The following ARID5B variants were observed in gnomAD, a reference collection of about 807,000 sequenced individuals.
ARID5B encodes AT-rich interaction domain 5B.
ARID5B carries 13 observed loss-of-function variants against 97.2 expected under a neutral mutation model. The ratio of observed to expected loss-of-function variants is 0.13; its 90% CI spans 0.09 to 0.21. ARID5B has a LOEUF of 0.21. Among genes scored for constraint, ARID5B ranks in the 10% least tolerant of loss-of-function variants. The pLI, the probability that ARID5B is intolerant of heterozygous loss-of-function variation, is 1.00. For missense variants in ARID5B, 1,210 were observed against 1,465.3 expected (o/e 0.83, Z 2.84); for synonymous variants, 556 against 570.3 (o/e 0.97, Z 0.36).
rs1028385913 is a variant in ARID5B at position 62,093,815 on chromosome 10, T to C, written c.*785T>C. The C allele has an allele frequency of 8.6e-6, 2 of 233,518 alleles. No homozygotes were observed. The highest frequency in any genetic ancestry group is 4.4e-5 in the African/African-American group (2 of 45,330). 14.5% of individuals were successfully genotyped at this position (233,518 alleles called of 1,614,324 possible). ...GCAGCTTTGGGTGGTAAAGTTATTG[T>C]TTACAAATTGAAGCAACTGATTCTA... is the stretch of plus-strand genomic sequence containing the variant. On this transcript the variant is annotated 3_prime_UTR_variant, in exon 10 of 10. Coordinates refer to ENST00000279873, the MANE Select transcript of ARID5B (RefSeq NM_032199.3).
At chr10:62,062,734 A>G (rs1366389626) in intron 7 of ARID5B, among the ~76,000 whole-genome samples, 1 of 150,632 alleles carries the variant, frequency 6.6e-6, no homozygotes, top group East Asian at 1.9e-4. Flanking sequence ...GGAAGTGTAG[A>G]ACTGTAGTAC....
intron 8 of ARID5B, 82 bp downstream of exon 8, chr10:62,069,879 G>C: frequency 7.2e-7 from 1 of 1,391,862 alleles, no homozygotes; most frequent in East Asian, 2.3e-5. Flanking sequence ...GACAGAGGAA[G>C]TCTAAATGAC....
At chr10:62,081,287 T>C (rs1840210553) in intron 8 of ARID5B, among the ~76,000 whole-genome samples, 1 of 152,264 alleles carries the variant, frequency 6.6e-6, no homozygotes, top group African/African-American at 2.4e-5. Context: ...AGTTCACCAC[T>C]TCTTGCCCCC....
chr10:62,054,031 G>T (rs77509998), intron 5 of ARID5B, among the ~76,000 whole-genome samples: 22,332 of 152,210 alleles, frequency 0.15, 2,063 homozygotes, highest in Middle Eastern at 0.23. Flanking sequence ...ACTCAATCCC[G>T]TGGAAGGATG....
intron 9 of ARID5B, among the ~76,000 whole-genome samples, chr10:62,087,762 A>AT (rs1427970562): frequency 6.6e-6 from 1 of 152,122 alleles, no homozygotes; most frequent in Non-Finnish European, 1.5e-5. Flanking sequence ...AGAAAATAGT[A>AT]TTGATACCAA....
At chr10:62,004,279 G>A (rs529288346) in intron 4 of ARID5B, among the ~76,000 whole-genome samples, 2 of 152,284 alleles carry the variant, frequency 1.3e-5, no homozygotes, top group South Asian at 2.1e-4. Flanking sequence ...TTAATGGTAG[G>A]TGATTGAAAA....
intron 3 of ARID5B, among the ~76,000 whole-genome samples, chr10:61,958,584 A>T (rs1271158861): frequency 6.6e-6 from 1 of 151,900 alleles, no homozygotes; most frequent in Non-Finnish European, 1.5e-5. Context: ...GAATGAGGAG[A>T]CTCCCATCCC....
chr10:61,907,033 T>G lies in ARID5B; in HGVS notation c.276+4620T>G, dbSNP rs1430687980. Among the ~76,000 whole-genome samples, 3 of 152,248 alleles carry G rather than the reference T, an allele frequency of 2.0e-5. No individual in the cohort carries two copies. The East Asian group carries it at 5.8e-4, about 29-fold the overall frequency. ...TAATCTCACTGAGGTTTGAAACCAC[T>G]ACCATGGAGCTTACTGAAAAGTTTT... On this transcript the variant is annotated intron_variant, in intron 2 of 9. Coordinates refer to ENST00000279873, the MANE Select transcript of ARID5B (RefSeq NM_032199.3).
At chr10:62,051,194 G>T in intron 5 of ARID5B, 194 bp downstream of exon 5, 1 of 656,410 alleles carries the variant, frequency 1.5e-6, no homozygotes, top group Non-Finnish European at 2.7e-6. Flanking sequence ...GGCTGGGGGA[G>T]GTAGGCATTT....
At chr10:62,089,757 A>G (rs538143821) in intron 9 of ARID5B, among the ~76,000 whole-genome samples, 2 of 151,702 alleles carry the variant, frequency 1.3e-5, no homozygotes, top group South Asian at 2.1e-4. Context: ...TGAACTCCTG[A>G]CCTCAGGTGA....
At chr10:61,954,782 G>A (rs1301464166) in intron 3 of ARID5B, among the ~76,000 whole-genome samples, 1 of 152,108 alleles carries the variant, frequency 6.6e-6, no homozygotes, top group African/African-American at 2.4e-5. Flanking sequence ...CAAGGCAGGT[G>A]GATCACCTGA....
chr10:62,000,875 G>GATA lies in ARID5B; in HGVS notation c.733+555_733+557dup, dbSNP rs1839070704. On this transcript the variant is annotated intron_variant, in intron 4 of 9. Transcript: ENST00000279873. The surrounding 1 kb of genome is among the most constrained non-coding windows in gnomAD (Gnocchi z 4.4). ...TAGATAGATAGATAGATAGATAGAT[G>GATA]ATAGGTGATAGATATCCATGTCCTG... Among the ~76,000 whole-genome samples, 1 of 127,404 alleles carries GATA rather than the reference G, an allele frequency of 7.8e-6. No homozygotes were observed. The highest frequency in any genetic ancestry group is 1.7e-5 in the Non-Finnish European group (1 of 58,944). 83.6% of individuals were successfully genotyped at this position (127,404 alleles called of 152,430 possible). A position where few individuals can be genotyped will look rare whatever the true frequency, so the allele number is the denominator to read the frequency against.
At chr10:62,001,157 G>C (rs1839075087) in intron 4 of ARID5B, among the ~76,000 whole-genome samples, 1 of 152,156 alleles carries the variant, frequency 6.6e-6, no homozygotes, top group Admixed American at 6.5e-5. Flanking sequence ...TGAGGAGACT[G>C]GATCATATCA....
intron 2 of ARID5B, among the ~76,000 whole-genome samples, chr10:61,919,414 C>T (rs1195909912): frequency 6.6e-6 from 1 of 152,168 alleles, no homozygotes; most frequent in Non-Finnish European, 1.5e-5. Context: ...GTATTCCAAT[C>T]CAACTCTGAA....
intron 4 of ARID5B, among the ~76,000 whole-genome samples, chr10:62,017,646 T>G (rs1417556846): frequency 2.0e-5 from 3 of 152,200 alleles, no homozygotes; most frequent in Admixed American, 2.0e-4. Context: ...TTCTTTTTTG[T>G]GTGTGCAAGT....
At chr10:61,971,503 C>T (rs892843554) in intron 3 of ARID5B, among the ~76,000 whole-genome samples, 5 of 152,136 alleles carry the variant, frequency 3.3e-5, no homozygotes, top group Admixed American at 6.5e-5. Flanking sequence ...ATGTGTTATC[C>T]GATGGAAATT....
intron 4 of ARID5B, among the ~76,000 whole-genome samples, chr10:62,030,750 A>G (rs1419363610): frequency 6.6e-6 from 1 of 152,238 alleles, no homozygotes; most frequent in East Asian, 1.9e-4. Context: ...TGATCACACA[A>G]TTAATGCCTC....
intron 2 of ARID5B, among the ~76,000 whole-genome samples, chr10:61,932,976 G>A (rs1463583772): frequency 1.3e-5 from 2 of 152,074 alleles, no homozygotes; most frequent in East Asian, 1.9e-4. Flanking sequence ...CCACCTATTC[G>A]GGAGGCTGAA....
At chr10:61,971,200 TC>T (rs1264919493) in intron 3 of ARID5B, among the ~76,000 whole-genome samples, 14 of 152,250 alleles carry the variant, frequency 9.2e-5, no homozygotes, top group African/African-American at 3.4e-4. Context: ...TGTTTTCTTT[TC>T]CCTTTTTCAG....
Sources: allele counts gnomAD v4.1 joint callset (sites outside exome capture counted in the v4.1 genomes callset), GRCh38; gene constraint gnomAD v4.1.1; non-coding constraint Gnocchi (gnomAD v3.1); transcripts MANE v1.5; gene names NCBI Gene and HGNC (gene_info 2026-07-23, HGNC 2026-07-21).